DAAM2: variants seen among roughly 807,000 people sequenced by gnomAD.
DAAM2 encodes the protein disheveled-associated activator of morphogenesis 2.
DAAM2 carries 39 observed loss-of-function variants against 120.7 expected under a neutral mutation model. The observed-to-expected ratio is 0.32, with a 90% CI of 0.25 to 0.42. The LOEUF is 0.42. DAAM2 is among the 10% of genes least tolerant of loss of function. DAAM2 has a pLI of 1.00. For missense variants in DAAM2, 1,283 were observed against 1,401.7 expected (o/e 0.92, Z 1.35); for synonymous variants, 488 against 524.9 (o/e 0.93, Z 0.96).
At chr6:39,862,290 T>C (rs566997689) in intron 3 of DAAM2, 18 of 152,322 alleles carry the variant, frequency 1.2e-4, no homozygotes, top group African/African-American at 4.1e-4. Context: ...ACTCAATGCA[T>C]GCTTATTAAG....
intron 19 of DAAM2, 58 bp downstream of exon 19, chr6:39,891,780 G>A (rs1765737262): frequency 7.0e-7 from 1 of 1,426,544 alleles, no homozygotes; most frequent in Non-Finnish European, 9.7e-7. Flanking sequence ...AAGGCAGGGT[G>A]GGTGGGAGCC....
At chr6:39,799,165 C>T (rs1761789134) in intron 1 of DAAM2, among the ~76,000 whole-genome samples, 1 of 152,064 alleles carries the variant, frequency 6.6e-6, no homozygotes, top group African/African-American at 2.4e-5. Flanking sequence ...TTGGTGGCTC[C>T]TGCCCTCCAC....
rs138470652 is a variant in DAAM2 at position 39,831,735 on chromosome 6, C to A, written c.-56-24512C>A. On this transcript the variant is annotated intron_variant, in intron 1 of 24. Transcript: ENST00000274867. ...GCTGAGGGACAGGTGCACTAGGGGGCAGGTGCACTGTGGGGACAGGAGCAC... is the reference window on the plus strand; with the variant it reads ...GCTGAGGGACAGGTGCACTAGGGGGAAGGTGCACTGTGGGGACAGGAGCAC... Among the ~76,000 whole-genome samples, 757 of 114,226 alleles carry A rather than the reference C, an allele frequency of 6.6e-3. 6 individuals carry two copies. The highest frequency in any genetic ancestry group is 0.036 in the Middle Eastern group (8 of 222). The allele number at this position is 114,226 out of a possible 152,430, so 74.9% of individuals were successfully genotyped here.
At chr6:39,864,894 A>T (rs553776054) in intron 4 of DAAM2, 86 bp from the exon 5 acceptor site, 38 of 1,516,014 alleles carry the variant, frequency 2.5e-5, no homozygotes, top group Middle Eastern at 1.8e-4. Context: ...ACCCTTTCTG[A>T]GGCAAGCATG....
intron 10 of DAAM2, 93 bp downstream of exon 10, chr6:39,873,448 G>C (rs1764745513): frequency 7.0e-6 from 6 of 853,400 alleles, no homozygotes; most frequent in Non-Finnish European, 1.2e-5. Flanking sequence ...CTGGTTTGGG[G>C]AGTCTGACCA....
chr6:39,808,732 T>A (rs908193180), intron 1 of DAAM2, among the ~76,000 whole-genome samples: 13 of 152,270 alleles, frequency 8.5e-5, no homozygotes, highest in Admixed American at 7.2e-4. Flanking sequence ...CCTTGTTATA[T>A]GGCCTTTGTC....
intron 1 of DAAM2, among the ~76,000 whole-genome samples, chr6:39,837,264 G>T (rs1036267811): frequency 6.6e-6 from 1 of 152,190 alleles, no homozygotes; most frequent in East Asian, 1.9e-4. Context: ...TGGCAGTGGG[G>T]TCAGGAGCTT....
At chr6:39,854,726 G>T (rs1323955970) in intron 1 of DAAM2, among the ~76,000 whole-genome samples, 1 of 152,208 alleles carries the variant, frequency 6.6e-6, no homozygotes, top group Non-Finnish European at 1.5e-5. Context: ...CTAGAGCTTG[G>T]TTCAAAGGAG....
At chr6:39,864,370 C>T in intron 3 of DAAM2, 63 bp from the exon 4 acceptor site, 1 of 1,306,798 alleles carries the variant, frequency 7.7e-7, no homozygotes, top group Non-Finnish European at 1.1e-6. Context: ...GAATGAAGCT[C>T]AGGATCTCAG....
At chr6:39,898,502 C>T (rs1186071700) in intron 21 of DAAM2, among the ~76,000 whole-genome samples, 1 of 152,188 alleles carries the variant, frequency 6.6e-6, no homozygotes, top group Non-Finnish European at 1.5e-5. Context: ...TGGTAAATGG[C>T]TCACTGGTAT....
chr6:39,830,841 G>T (rs531678657), intron 1 of DAAM2, among the ~76,000 whole-genome samples: 2 of 152,192 alleles, frequency 1.3e-5, no homozygotes, highest in African/African-American at 4.8e-5. Context: ...CAGTGGCCCT[G>T]CAGTCCGGAC....
rs1766497068 is a variant in DAAM2, at chr6:39,901,726, C to T, written c.2983-87C>T. ...ATACAGGCAGGCAGCATGACCATGG[C>T]CTAGGAGTTAGCCCAGGGTTGGGGG... On this transcript the variant is annotated intron_variant, in intron 24 of 24. Transcript: ENST00000274867. This position sits in a 1 kb window ranked among gnomAD's most constrained non-coding sequence, Gnocchi z 4.5. 1 of 1,267,198 alleles carries T rather than the reference C, an allele frequency of 7.9e-7. No individual in the cohort carries two copies. Among genetic ancestry groups the T allele is most frequent in the Non-Finnish European group, 1.1e-6 (1 of 941,778 alleles). 78.5% of individuals were successfully genotyped at this position (1,267,198 alleles called of 1,614,324 possible).
At chr6:39,867,135 TG>T (rs1396804962) in intron 5 of DAAM2, among the ~76,000 whole-genome samples, 2 of 152,272 alleles carry the variant, frequency 1.3e-5, no homozygotes, top group Non-Finnish European at 2.9e-5. Flanking sequence ...ATGATTCTGA[TG>T]GCTTTCCTAT....
rs138359950 is a variant in DAAM2 at position 39,833,971 on chromosome 6, T to A, written c.-56-22276T>A. On this transcript the variant is annotated intron_variant, in intron 1 of 24. Transcript: ENST00000274867. ...ATGAAGGAGGTAAGGCTTAGAGAAG[T>A]CAAGCAACTTTCCCAAAGTCTTGCA... is the stretch of plus-strand genomic sequence containing the variant. Among the ~76,000 whole-genome samples the A allele has an allele frequency of 1.6e-4, 25 of 152,286 alleles. 1 individual carries two copies. Among genetic ancestry groups the A allele is most frequent in the Admixed American group, 9.2e-4 (14 of 15,300 alleles).
chr6:39,793,342 G>T (rs1005221330), intron 1 of DAAM2, among the ~76,000 whole-genome samples: 6 of 150,700 alleles, frequency 4.0e-5, no homozygotes, highest in African/African-American at 1.5e-4. Context: ...ATAAAGAGAC[G>T]TGTCTGAGCT....
At chr6:39,830,398 CA>C (rs970368291) in intron 1 of DAAM2, among the ~76,000 whole-genome samples, 2 of 152,116 alleles carry the variant, frequency 1.3e-5, no homozygotes, top group African/African-American at 4.8e-5. Flanking sequence ...TCATTCCACG[CA>C]CTCCCTCCCA....
chr6:39,847,228 C>T (rs1763630808), intron 1 of DAAM2, among the ~76,000 whole-genome samples: 1 of 152,202 alleles, frequency 6.6e-6, no homozygotes, highest in Non-Finnish European at 1.5e-5. Context: ...TGCTGGGACC[C>T]TGGGAGAGAG....
intron 1 of DAAM2, among the ~76,000 whole-genome samples, chr6:39,813,167 C>CGTGT (rs113671363): frequency 6.7e-6 from 1 of 149,520 alleles, no homozygotes; most frequent in South Asian, 2.1e-4. Flanking sequence ...TGTGTGTGTG[C>CGTGT]GTGTGTGTGT....
chr6:39,832,215 G>A (rs2114206167), intron 1 of DAAM2, among the ~76,000 whole-genome samples: 1 of 152,096 alleles, frequency 6.6e-6, no homozygotes, highest in Admixed American at 6.5e-5. Context: ...CTGGGTGAAA[G>A]TGGGGCTTGA....
Sources: gnomAD v4.1 joint callset for allele counts (sites outside exome capture counted in the v4.1 genomes callset) on GRCh38, gnomAD v4.1.1 for gene constraint, Gnocchi (gnomAD v3.1) non-coding constraint, MANE v1.5 for transcripts, NCBI Gene and HGNC (gene_info 2026-07-23, HGNC 2026-07-21) for gene names.